Variants in NME9 observed in about 807,000 individuals in gnomAD.
NME9 encodes the protein thioredoxin domain-containing protein 6.
In NME9, 48 loss-of-function variants were observed where a neutral mutation model predicts 44.4. The ratio of observed to expected loss-of-function variants is 1.08; its 90% CI spans 0.86 to 1.37. The LOEUF is 1.37. NME9 is among the 40% of genes most tolerant of loss of function. The pLI is 0.00. For missense variants in NME9, 325 were observed against 405.2 expected, an observed-to-expected ratio of 0.80 and a Z score of 1.70; for synonymous variants, 139 against 147.1, an observed-to-expected ratio of 0.94 and a Z score of 0.40.
In NME9 at chr3:138,324,047, G is replaced by A. The variant is rs116123423; in HGVS notation, c.91+826C>T. On this transcript the variant is annotated intron_variant, in intron 2 of 10. Transcript: ENST00000333911. Reference sequence around the variant, plus strand: ...AACAAAAGGCTGTGACTTCCAACTTGTGCCCTCTCTTAGAGCCCTGTCCTA... The same window carrying A: ...AACAAAAGGCTGTGACTTCCAACTTATGCCCTCTCTTAGAGCCCTGTCCTA... 7.8e-3 allele frequency: 1,357 copies of A among 173,192 alleles called. 17 individuals carry two copies. Among genetic ancestry groups the A allele is most frequent in the African/African-American group, 0.03 (1,289 of 42,458 alleles). 10.7% of individuals were successfully genotyped at this position (173,192 alleles called of 1,614,324 possible).
At chr3:138,316,562 T>A (rs1157052271) in intron 4 of NME9, among the ~76,000 whole-genome samples, 2 of 152,204 alleles carry the variant, frequency 1.3e-5, no homozygotes, top group African/African-American at 4.8e-5. Context: ...CCAGGTGGTA[T>A]TTGGGATGAA....
intron 6 of NME9, among the ~76,000 whole-genome samples, chr3:138,313,379 G>T (rs754548334): frequency 6.6e-6 from 1 of 152,054 alleles, no homozygotes; most frequent in African/African-American, 2.4e-5. Context: ...GCGACAGAGG[G>T]AGACTCTGTC....
At chr3:138,272,882 A>T (rs1191918679) in intron 8 of NME9, 1 of 1,235,734 alleles carries the variant, frequency 8.1e-7, no homozygotes, top group Non-Finnish European at 1.1e-6. Flanking sequence ...AAAAAAATAA[A>T]AAAAAATTAC....
chr3:138,319,637 T>C (rs2053336386), intron 2 of NME9, 56 bp from the exon 3 acceptor site: 1 of 890,356 alleles, frequency 1.1e-6, no homozygotes, highest in African/African-American at 1.6e-5. Context: ...CACCACACCA[T>C]GCATAATTTA....
chr3:138,270,881 A>C (rs755072103), intron 8 of NME9, among the ~76,000 whole-genome samples: 1 of 152,186 alleles, frequency 6.6e-6, no homozygotes, highest in Non-Finnish European at 1.5e-5. Context: ...TTTTTAAAAC[A>C]TATTTATACT....
chr3:138,319,390 C>A, intron 3 of NME9, 88 bp downstream of exon 3: 1 of 732,654 alleles, frequency 1.4e-6, no homozygotes, highest in Non-Finnish European at 2.4e-6. Context: ...TGAGAAAGGT[C>A]ACTCTCACAC....
intron 7 of NME9, 74 bp downstream of exon 7, chr3:138,306,324 C>G (rs2052256265): frequency 9.0e-7 from 1 of 1,112,068 alleles, no homozygotes; most frequent in African/African-American, 1.5e-5. Flanking sequence ...TATCACTGCC[C>G]AGTGCCCCAT....
chr3:138,306,174 T>TA, intron 7 of NME9, 78 bp from the exon 8 acceptor site: 1 of 1,122,774 alleles, frequency 8.9e-7, no homozygotes, highest in Non-Finnish European at 1.3e-6. Context: ...AGTTGAAAGG[T>TA]AAAAAATAAA....
intron 8 of NME9, among the ~76,000 whole-genome samples, chr3:138,264,702 G>A (rs1269361459): frequency 6.6e-6 from 1 of 151,760 alleles, no homozygotes; most frequent in African/African-American, 2.4e-5. Context: ...ACAGGCATGA[G>A]CCACTGCGCC....
intron 1 of NME9, 39 bp downstream of exon 1, chr3:138,329,254 TTCCCCGAGCC>T: frequency 6.7e-7 from 1 of 1,492,872 alleles, no homozygotes; most frequent in South Asian, 1.2e-5. Flanking sequence ...CACCCTCCTC[TTCCCCGAGCC>T]CAACCCAGAG....
At chr3:138,291,320 A>G (rs986125497) in intron 8 of NME9, among the ~76,000 whole-genome samples, 3 of 152,124 alleles carry the variant, frequency 2.0e-5, no homozygotes, top group African/African-American at 2.4e-5. Flanking sequence ...TGCACCCACC[A>G]TGTACACCCC....
intron 5 of NME9, among the ~76,000 whole-genome samples, chr3:138,315,252 C>A (rs1392808632): frequency 1.3e-5 from 2 of 152,320 alleles, no homozygotes; most frequent in East Asian, 1.9e-4. Context: ...ACTTGATTTT[C>A]ATTTCTGAAT....
At chr3:138,286,945 T>C (rs544764943) in intron 8 of NME9, among the ~76,000 whole-genome samples, 4 of 152,214 alleles carry the variant, frequency 2.6e-5, no homozygotes, top group Non-Finnish European at 4.4e-5. Context: ...TGTCCCCTCA[T>C]TCACTCAATT....
intron 5 of NME9, 34 bp from the exon 6 acceptor site, chr3:138,314,441 A>G: frequency 7.3e-7 from 1 of 1,364,802 alleles, no homozygotes; most frequent in East Asian, 2.3e-5. Flanking sequence ...GAAAGTAGTT[A>G]GCTAATTAAC....
At chr3:138,296,101 G>GT, downstream of NME9, 1 of 485,734 alleles carries the variant, frequency 2.1e-6, no homozygotes, top group Non-Finnish European at 3.6e-6. Context: ...CTTGTGTTTT[G>GT]TTTTGGTTTT....
chr3:138,304,794 G>A, intron 9 of NME9, 79 bp downstream of exon 9: 2 of 1,400,598 alleles, frequency 1.4e-6, no homozygotes, highest in Non-Finnish European at 2.0e-6. Context: ...CATGATTCTA[G>A]GCTGAACACT....
chr3:138,311,490 T>C (rs936140565), intron 6 of NME9, among the ~76,000 whole-genome samples: 3 of 152,140 alleles, frequency 2.0e-5, no homozygotes, highest in Non-Finnish European at 2.9e-5. Flanking sequence ...GAAAAAGTCC[T>C]AAACAAAATA....
intron 6 of NME9, among the ~76,000 whole-genome samples, chr3:138,309,996 G>A (rs1297323361): frequency 5.3e-5 from 8 of 151,008 alleles, no homozygotes; most frequent in East Asian, 3.9e-4. Context: ...TAGCCTGGGC[G>A]ACGAGTGAAA....
chr3:138,286,872 C>T (rs1279786403), intron 8 of NME9, among the ~76,000 whole-genome samples: 1 of 152,194 alleles, frequency 6.6e-6, no homozygotes, highest in Non-Finnish European at 1.5e-5. Flanking sequence ...TCCGCCTGCC[C>T]TTTCAGCATC....
Sources: gnomAD v4.1 joint callset for allele counts (sites outside exome capture counted in the v4.1 genomes callset) on GRCh38, gnomAD v4.1.1 for gene constraint, MANE v1.5 for transcripts, NCBI Gene and HGNC (gene_info 2026-07-23, HGNC 2026-07-21) for gene names.